USP38: variants seen among roughly 807,000 people sequenced by gnomAD.
USP38 encodes the protein ubiquitin specific peptidase 38.
Under a neutral mutation model 94.3 loss-of-function variants are expected in USP38, and 49 were observed. The ratio of observed to expected loss-of-function variants is 0.52; its 90% CI spans 0.41 to 0.66. The LOEUF is 0.66. Ranked by LOEUF, USP38 falls within the 30% of genes least tolerant of loss-of-function variation. USP38 has a pLI of 0.00. For missense variants in USP38, 1,128 were observed against 1,229.4 expected, an observed-to-expected ratio of 0.92 and a Z score of 1.23; for synonymous variants, 468 against 463.6, an observed-to-expected ratio of 1.01 and a Z score of -0.12.
chr4:143,193,178 C>T (rs1035295897), intron 2 of USP38, among the ~76,000 whole-genome samples: 20 of 151,888 alleles, frequency 1.3e-4, no homozygotes, highest in African/African-American at 4.6e-4. Flanking sequence ...ACATGATTTT[C>T]TTTTAAACTA....
At position 143,220,393 on chromosome 4, in the gene USP38, C is replaced by G. The variant is rs1276069264; in HGVS notation, c.3066C>G (p.Ser1022Arg). ...TTGATGACAACGACCCACCAGGAAG[C>G]TGTGGACCAACTGGTGGAGGGGGTG... ...NGFDDNDPPG[S>R]CGPTGGGGGG... The change falls in exon 10 of 10, where the codon AGC becomes AGG. Residue 1022 changes from serine (S) to arginine (R), a missense_variant. Ser to Arg is a moderately radical substitution (Grantham distance 110, BLOSUM62 -1). Coordinates refer to ENST00000307017, the MANE Select transcript of USP38 (RefSeq NM_032557.6). The G allele has an allele frequency of 6.2e-7, 1 of 1,613,266 alleles. No individual in the cohort carries two copies. The highest frequency in any genetic ancestry group is 2.2e-5 in the East Asian group (1 of 44,850).
chr4:143,199,233 G>A (rs529973640), intron 4 of USP38, among the ~76,000 whole-genome samples: 2 of 152,110 alleles, frequency 1.3e-5, no homozygotes, highest in East Asian at 3.9e-4. Context: ...GAAAACATGG[G>A]GTATTTGGTT....
rs1447082428 is a variant in USP38 at position 143,221,798 on chromosome 4, G to A, written c.*1342G>A. ...GGAAACAATGTTCTTCGATGATTTG[G>A]GGTTTATCTTTTTCCCAAGCTTTTA... On this transcript the variant is annotated 3_prime_UTR_variant, in exon 10 of 10. Transcript: ENST00000307017. 3 of 152,012 alleles carry A rather than the reference G, an allele frequency of 2.0e-5. No individual in the cohort carries two copies. Among genetic ancestry groups the A allele is most frequent in the African/African-American group, 7.2e-5 (3 of 41,412 alleles). The allele number at this position is 152,012 out of a possible 1,614,324, so 9.4% of individuals were successfully genotyped here.
At position 143,214,210 on chromosome 4, in the gene USP38, T is replaced by TG; in HGVS notation, c.2235dup (p.Gln746AlafsTer4). The TG allele has an allele frequency of 6.2e-7, 1 of 1,613,660 alleles. No homozygotes were observed. The highest frequency in any genetic ancestry group is 8.5e-7 in the Non-Finnish European group (1 of 1,179,800). ...TATTATTGTGAAAACTGTGCCTCTC[T>TG]GCAAAATGCTGAGAAAACTATGCAA... On this transcript the variant is annotated frameshift_variant, in exon 9 of 10. Transcript: ENST00000307017. LOFTEE classifies it high-confidence loss of function.
At chr4:143,193,285 C>A (rs578218474) in intron 2 of USP38, among the ~76,000 whole-genome samples, 1 of 151,666 alleles carries the variant, frequency 6.6e-6, no homozygotes, top group South Asian at 2.1e-4. Flanking sequence ...TGGATAGATT[C>A]ATGTACATCT....
Position 143,195,710 on chromosome 4 carries a change from T to C in USP38, c.819-6T>C. On this transcript the variant is annotated splice_polypyrimidine_tract_variant and splice_region_variant and intron_variant, in intron 2 of 9. Coordinates refer to ENST00000307017, the MANE Select transcript of USP38 (RefSeq NM_032557.6). The stretch of plus-strand genomic sequence containing the variant: ...TAATGATTGTTTCATTTTCCTTCAA[T>C]TTCAGAATGATTGACTGGCTATCCT... 6.3e-7 allele frequency: 1 copy of C among 1,578,716 alleles called. No homozygotes were observed. The highest frequency in any genetic ancestry group is 8.6e-7 in the Non-Finnish European group (1 of 1,165,352).
chr4:143,187,187 T>G (rs1731254388), intron 1 of USP38, among the ~76,000 whole-genome samples: 1 of 152,208 alleles, frequency 6.6e-6, no homozygotes, highest in South Asian at 2.1e-4. Context: ...GGTACTTGTC[T>G]TGGATTTGCT....
In USP38 at chr4:143,185,985, C is replaced by A. The variant is rs370111630; in HGVS notation, c.535C>A (p.Gln179Lys). 1.2e-5 allele frequency: 19 copies of A among 1,614,166 alleles called. No homozygotes were observed. Among genetic ancestry groups the A allele is most frequent in the Non-Finnish European group, 1.6e-5 (19 of 1,180,036 alleles). The change falls in exon 1 of 10, where the codon CAG (glutamine) becomes AAG (lysine). Residue 179 changes from glutamine (Q) to lysine (K), a missense_variant. Physicochemically the swap from Gln to Lys is moderately conservative, Grantham distance 53 (BLOSUM62 1). Coordinates refer to ENST00000307017, the MANE Select transcript of USP38 (RefSeq NM_032557.6). ...GCTGGTTCGAACGATAGGCCATTTCCAGTGCGTGTCCACCCAGGAAAGAGA... is the reference window on the plus strand; with the variant it reads ...GCTGGTTCGAACGATAGGCCATTTCAAGTGCGTGTCCACCCAGGAAAGAGA... ...QQLVRTIGHF[Q>K]CVSTQERELR...
chr4:143,202,539 A>G (rs971865175), intron 4 of USP38, among the ~76,000 whole-genome samples: 1 of 152,126 alleles, frequency 6.6e-6, no homozygotes, highest in Admixed American at 6.6e-5. Context: ...ATTAAAAATT[A>G]ATTGAAAAAA....
Position 143,206,902 on chromosome 4 carries a change from C to T in USP38, c.1403+676C>T, listed in dbSNP as rs181858166. 3.7e-4 allele frequency among the ~76,000 whole-genome samples: 57 copies of T among 152,260 alleles called. No homozygotes were observed. The East Asian group carries it at 0.01, about 27-fold the overall frequency. On this transcript the variant is annotated intron_variant, in intron 6 of 9. Coordinates refer to ENST00000307017, the MANE Select transcript of USP38 (RefSeq NM_032557.6). ...AGTATTTTGGTATTTGTCAGATCAA[C>T]AACTTTGTTGCTGTTTGAGAAGTTT...
At chr4:143,195,171 C>T (rs1411437538) in intron 2 of USP38, among the ~76,000 whole-genome samples, 1 of 152,176 alleles carries the variant, frequency 6.6e-6, no homozygotes, top group East Asian at 1.9e-4. Flanking sequence ...GTTCAGATTA[C>T]ATTTCAGCTG....
chr4:143,200,979 T>A (rs1731700084), intron 4 of USP38, among the ~76,000 whole-genome samples: 1 of 152,156 alleles, frequency 6.6e-6, no homozygotes, highest in South Asian at 2.1e-4. Context: ...GCAGTGCTAC[T>A]TCAATCAAAC....
intron 2 of USP38, among the ~76,000 whole-genome samples, chr4:143,192,550 C>CTTTTTTTTTTTTT (rs35416730): frequency 1.9e-5 from 2 of 103,410 alleles, no homozygotes; most frequent in African/African-American, 7.5e-5. Flanking sequence ...TCCCATATTA[C>CTTTTTTTTTTTTT]TTTTTTTTTT....
chr4:143,187,656 T>C lies in USP38; in HGVS notation c.683-170T>C, dbSNP rs79872393. On this transcript the variant is annotated intron_variant, in intron 1 of 9. Coordinates refer to ENST00000307017, the MANE Select transcript of USP38 (RefSeq NM_032557.6). ...GTTCACTCCTAATCTTTCATTCCTG[T>C]AATTTAACATTCCTTGTAAATTAAG... 7.7e-4 allele frequency among the ~76,000 whole-genome samples: 118 copies of C among 152,342 alleles called. 3 individuals carry two copies. The East Asian group carries it at 0.021, about 28-fold the overall frequency.
chr4:143,203,015 G>A (rs924538310), intron 4 of USP38, among the ~76,000 whole-genome samples: 1 of 151,970 alleles, frequency 6.6e-6, no homozygotes, highest in Non-Finnish European at 1.5e-5. Flanking sequence ...CACACTAGAT[G>A]GAGCTCTTTA....
intron 6 of USP38, among the ~76,000 whole-genome samples, chr4:143,208,554 A>G (rs541116226): frequency 6.6e-6 from 1 of 152,154 alleles, no homozygotes; most frequent in Non-Finnish European, 1.5e-5. Context: ...CTTAATTTGC[A>G]TATTGCTGCT....
In USP38 at chr4:143,212,398, T is replaced by C; in HGVS notation, c.1578T>C (p.Ser526=). The C allele has an allele frequency of 6.2e-7, 1 of 1,606,670 alleles. No individual in the cohort carries two copies. The highest frequency in any genetic ancestry group is 1.3e-5 in the African/African-American group (1 of 74,570). ...CTCCCAGATCACAGCAAGACTGTTC[T>C]GAATACCTCAGATTTCTCCTTGACA... ...WFTPRSQQDC[S]EYLRFLLDRL... Residue 526 remains serine, a synonymous_variant, in exon 8 of 10, where the codon TCT becomes TCC. Transcript: ENST00000307017.
chr4:143,202,865 A>C (rs796250584), intron 4 of USP38, among the ~76,000 whole-genome samples: 4 of 152,260 alleles, frequency 2.6e-5, no homozygotes, highest in African/African-American at 9.6e-5. Context: ...CCACTCTAAC[A>C]TAAGGCATGG....
rs138388723 is a variant in USP38, at chr4:143,207,249, G to A, written c.1403+1023G>A. On this transcript the variant is annotated intron_variant, in intron 6 of 9. Transcript: ENST00000307017. Reference sequence around the variant, plus strand: ...CCAGAGGAATCATAAACTATGAAATGTCGAATTTGGTTGGGTGCCGTGGCT... The same window carrying A: ...CCAGAGGAATCATAAACTATGAAATATCGAATTTGGTTGGGTGCCGTGGCT... 5.6e-4 allele frequency among the ~76,000 whole-genome samples: 85 copies of A among 152,246 alleles called. No homozygotes were observed. The East Asian group carries it at 0.014, about 25-fold the overall frequency.
Sources: gnomAD v4.1 joint callset for allele counts (sites outside exome capture counted in the v4.1 genomes callset) on GRCh38, gnomAD v4.1.1 for gene constraint, MANE v1.5 for transcripts, NCBI Gene and HGNC (gene_info 2026-07-23, HGNC 2026-07-21) for gene names.